Variants in WDR7 observed in about 807,000 individuals in gnomAD.
The protein encoded by WDR7 is WD repeat domain 7.
In WDR7, 46 loss-of-function variants were observed where a neutral mutation model predicts 169.4. The ratio of observed to expected loss-of-function variants is 0.27; its 90% CI spans 0.21 to 0.35. The LOEUF (loss-of-function observed/expected upper bound fraction) is 0.35, where lower values mean the gene tolerates loss of function less well. Among genes scored for constraint, WDR7 ranks in the 10% least tolerant of loss-of-function variants. The pLI is 1.00. For synonymous variants in WDR7, 612 were observed against 666.8 expected, an observed-to-expected ratio of 0.92 and a Z score of 1.27; for missense variants, 1,534 against 1,859.3, an observed-to-expected ratio of 0.83 and a Z score of 3.22.
chr18:57,024,354 G>A (rs1599256168), intron 27 of WDR7, among the ~76,000 whole-genome samples: 1 of 152,068 alleles, frequency 6.6e-6, no homozygotes. Context: ...TTCAGAGAGA[G>A]TCATTTGTCT....
chr18:56,992,587 G>C (rs529107388), intron 26 of WDR7, among the ~76,000 whole-genome samples: 1 of 152,280 alleles, frequency 6.6e-6, no homozygotes, highest in Admixed American at 6.5e-5. Flanking sequence ...GTATGAATTG[G>C]AAGTTAACAT....
At chr18:56,701,869 T>C (rs999354555) in intron 12 of WDR7, among the ~76,000 whole-genome samples, 3 of 152,206 alleles carry the variant, frequency 2.0e-5, no homozygotes, top group Admixed American at 2.0e-4. Flanking sequence ...CAATGTCTTA[T>C]TAATCCTTCA....
intron 16 of WDR7, among the ~76,000 whole-genome samples, chr18:56,763,688 G>A (rs2044017693): frequency 6.6e-6 from 1 of 152,082 alleles, no homozygotes; most frequent in Admixed American, 6.5e-5. Flanking sequence ...ATATTTGGTT[G>A]ATCTAATTCA....
At chr18:56,739,936 G>A (rs1297372547) in intron 14 of WDR7, among the ~76,000 whole-genome samples, 10 of 150,202 alleles carry the variant, frequency 6.7e-5, no homozygotes, top group Admixed American at 6.6e-4. Context: ...GAATCTGTAG[G>A]TTTGTGTCTT....
At chr18:56,976,931 T>G (rs1031423247) in intron 26 of WDR7, among the ~76,000 whole-genome samples, 1 of 152,232 alleles carries the variant, frequency 6.6e-6, no homozygotes, top group African/African-American at 2.4e-5. Flanking sequence ...CATGGAGTAC[T>G]CTGAGACAAG....
intron 20 of WDR7, among the ~76,000 whole-genome samples, chr18:56,840,566 A>G (rs1358288872): frequency 6.6e-6 from 1 of 152,178 alleles, no homozygotes; most frequent in East Asian, 1.9e-4. Context: ...CACTCCTGCA[A>G]TACCAGCATT....
chr18:56,951,071 C>T (rs572901475), intron 25 of WDR7, among the ~76,000 whole-genome samples: 1 of 152,168 alleles, frequency 6.6e-6, no homozygotes. Context: ...GCACCTCCTC[C>T]AGATATTGAC....
At chr18:57,033,700 A>C, downstream of WDR7, 1 of 149,572 alleles carries the variant, frequency 6.7e-6, no homozygotes, top group Non-Finnish European at 1.5e-5. Flanking sequence ...CCCCCACCCA[A>C]ATCCCACTGC....
intron 1 of WDR7, among the ~76,000 whole-genome samples, chr18:56,666,221 G>A (rs74952971): frequency 6.9e-5 from 1 of 14,498 alleles, no homozygotes; most frequent in Non-Finnish European, 1.5e-4. Context: ...TTTTTTTTTT[G>A]AGCCGCAGTT....
At chr18:56,821,173 TAAG>T (rs934589583) in intron 20 of WDR7, among the ~76,000 whole-genome samples, 35 of 151,784 alleles carry the variant, frequency 2.3e-4, no homozygotes, top group African/African-American at 6.5e-4. Flanking sequence ...AGGCAGACAA[TAAG>T]AAGAAGAAGA....
At chr18:56,779,583 A>G (rs1388473022) in intron 18 of WDR7, 34 bp downstream of exon 18, 1 of 1,548,886 alleles carries the variant, frequency 6.5e-7, no homozygotes, top group East Asian at 2.3e-5. Context: ...GAAAACAAAA[A>G]TATTAAAAAG....
intron 14 of WDR7, among the ~76,000 whole-genome samples, chr18:56,740,699 C>T (rs149974955): frequency 2.0e-5 from 3 of 152,268 alleles, no homozygotes; most frequent in Non-Finnish European, 4.4e-5. Flanking sequence ...GAATATTTAA[C>T]GGGGTTCTTT....
rs193018858 is a variant in WDR7 at position 56,707,521 on chromosome 18, A to G, written c.1579-10443A>G. ...TTTACTCTCCTCTAATTCCTTGGAA[A>G]TTATAGTCCTAAGTACCATTCTTTC... is the stretch of plus-strand genomic sequence containing the variant. On this transcript the variant is annotated intron_variant, in intron 12 of 27. Transcript: ENST00000254442. Among the ~76,000 whole-genome samples, 4 of 152,168 alleles carry G rather than the reference A, an allele frequency of 2.6e-5. No homozygotes were observed. The East Asian group carries it at 7.7e-4, about 29-fold the overall frequency.
At chr18:57,030,944 C>G (rs998903852), downstream of WDR7, 1 of 150,400 alleles carries the variant, frequency 6.6e-6, no homozygotes, top group Non-Finnish European at 1.5e-5. Context: ...ATGAACTAAG[C>G]TCACAATTGT....
intron 14 of WDR7, among the ~76,000 whole-genome samples, chr18:56,742,889 G>A (rs2043642273): frequency 6.6e-6 from 1 of 152,150 alleles, no homozygotes; most frequent in South Asian, 2.1e-4. Context: ...GTCCATTAAA[G>A]CACCATGTGA....
At chr18:56,888,242 A>G (rs1542007) in intron 21 of WDR7, among the ~76,000 whole-genome samples, 116,992 of 152,154 alleles carry the variant, frequency 0.77, 45,772 homozygotes, top group East Asian at 0.93. Context: ...TTGAACATAG[A>G]TGAATCTTTT....
At chr18:57,026,187 C>G (rs1337685418) in intron 27 of WDR7, among the ~76,000 whole-genome samples, 1 of 152,222 alleles carries the variant, frequency 6.6e-6, no homozygotes, top group Non-Finnish European at 1.5e-5. Flanking sequence ...TTTAGTACTT[C>G]AACCTGAATG....
intron 19 of WDR7, among the ~76,000 whole-genome samples, chr18:56,802,911 G>GTT (rs144799605): frequency 3.5e-5 from 5 of 144,678 alleles, no homozygotes; most frequent in African/African-American, 5.1e-5. Flanking sequence ...TTTCTCCTGT[G>GTT]TTTTTTTTTT....
Position 56,716,131 on chromosome 18 carries a change from GA to G in WDR7, c.1579-1832del, listed in dbSNP as rs748933566. ...TTTTTGTAGTTTGCCATTTTGTTTT[GA>G]TTTGTTAATTATAAAACTAATTTGT... On this transcript the variant is annotated intron_variant, in intron 12 of 27. Transcript: ENST00000254442. Among the ~76,000 whole-genome samples the G allele has an allele frequency of 1.6e-3, 234 of 149,124 alleles. 2 individuals are homozygous for G. Among genetic ancestry groups the G allele is most frequent in the Non-Finnish European group, 3.2e-3 (212 of 67,272 alleles).
Sources: allele counts gnomAD v4.1 joint callset (sites outside exome capture counted in the v4.1 genomes callset), GRCh38; gene constraint gnomAD v4.1.1; transcripts MANE v1.5; gene names NCBI Gene and HGNC (gene_info 2026-07-23, HGNC 2026-07-21).